LRRC37A2: variants seen among roughly 807,000 people sequenced by gnomAD.
LRRC37A2 encodes leucine-rich repeat-containing protein 37A2.
In LRRC37A2, 9 loss-of-function variants were observed where a neutral mutation model predicts 68.8. That is an observed-to-expected ratio of 0.13 (90% CI 0.08 to 0.23). LRRC37A2 has a LOEUF of 0.23. Among genes scored for constraint, LRRC37A2 ranks in the 10% least tolerant of loss-of-function variants. The probability of loss-of-function intolerance (pLI) is 1.00; values close to 1 mark genes in which losing one functional copy is unlikely to be tolerated. For synonymous variants in LRRC37A2, 63 were observed against 367.6 expected, an observed-to-expected ratio of 0.17 and a Z score of 9.48; for missense variants, 168 against 950.4, an observed-to-expected ratio of 0.18 and a Z score of 10.82.
chr17:46,863,378 C>G, the LRRC37A2 span, among the ~76,000 whole-genome samples: 1 of 152,236 alleles, frequency 6.6e-6, no homozygotes, highest in South Asian at 2.1e-4. Context: ...GAGCACGCAT[C>G]TGGACTGGGA....
At chr17:46,876,306 T>C in the LRRC37A2 span, 3 of 1,614,194 alleles carry the variant, frequency 1.9e-6, no homozygotes, top group Non-Finnish European at 2.5e-6. Context: ...TCCTGTGCCG[T>C]GCGCACCTGC....
chr17:46,822,267 A>G, the LRRC37A2 span, among the ~76,000 whole-genome samples: 5 of 152,200 alleles, frequency 3.3e-5, no homozygotes, highest in African/African-American at 1.2e-4. Flanking sequence ...GGAAGGCTGG[A>G]CAGCAGAGCC....
chr17:46,823,143 T>A, the LRRC37A2 span, among the ~76,000 whole-genome samples: 2 of 130,080 alleles, frequency 1.5e-5, no homozygotes, highest in South Asian at 2.2e-4. Context: ...TATATTATAT[T>A]ATATATATTT....
the LRRC37A2 span, among the ~76,000 whole-genome samples, chr17:46,845,639 C>T: frequency 1.7e-4 from 25 of 151,442 alleles, no homozygotes; most frequent in African/African-American, 5.6e-4. Context: ...TACAGGTGCC[C>T]GCCACCACAC....
the LRRC37A2 span, among the ~76,000 whole-genome samples, chr17:46,741,209 A>G: frequency 6.6e-6 from 1 of 152,212 alleles, no homozygotes; most frequent in African/African-American, 2.4e-5. Flanking sequence ...CATCTGCAAA[A>G]TGAGACAGAG....
chr17:46,775,548 G>A, the LRRC37A2 span, among the ~76,000 whole-genome samples: 1 of 152,000 alleles, frequency 6.6e-6, no homozygotes, highest in South Asian at 2.1e-4. Context: ...ACATCTGTGA[G>A]GCATTCCAGG....
the LRRC37A2 span, chr17:47,027,423 T>C: frequency 3.7e-6 from 2 of 539,696 alleles, no homozygotes; most frequent in Non-Finnish European, 6.8e-6. Flanking sequence ...TCTGGAAAGT[T>C]CAAATACAAG....
chr17:46,944,425 G>A, the LRRC37A2 span, among the ~76,000 whole-genome samples: 9 of 152,192 alleles, frequency 5.9e-5, 1 homozygote, highest in South Asian at 1.9e-3. Flanking sequence ...TTCTGGGGTG[G>A]ACATGAGGCC....
At chr17:46,803,681 C>G in the LRRC37A2 span, among the ~76,000 whole-genome samples, 4 of 152,240 alleles carry the variant, frequency 2.6e-5, no homozygotes, top group African/African-American at 7.2e-5. Flanking sequence ...CTGCCCATCC[C>G]TTCTGCATCC....
the LRRC37A2 span, chr17:46,935,952 A>G: frequency 8.0e-5 from 79 of 985,730 alleles, no homozygotes; most frequent in Non-Finnish European, 9.3e-5. Flanking sequence ...TGTGAGAAAC[A>G]GTCACTCGGA....
chr17:46,888,122 G>A, the LRRC37A2 span, among the ~76,000 whole-genome samples: 14 of 152,206 alleles, frequency 9.2e-5, no homozygotes, highest in African/African-American at 3.4e-4. Context: ...ACAAGCGGGA[G>A]TGTGCTTATG....
the LRRC37A2 span, among the ~76,000 whole-genome samples, chr17:46,914,494 C>G: frequency 6.6e-6 from 1 of 151,196 alleles, no homozygotes; most frequent in African/African-American, 2.4e-5. Context: ...ACTAAAAATA[C>G]AAAAAAATTA....
the LRRC37A2 span, among the ~76,000 whole-genome samples, chr17:46,823,253 T>A: frequency 6.9e-6 from 1 of 144,060 alleles, no homozygotes; most frequent in Non-Finnish European, 1.5e-5. Context: ...TCATTCTTGT[T>A]GCCCAGGCTG....
chr17:46,737,706 G>T, the LRRC37A2 span, among the ~76,000 whole-genome samples: 1 of 151,928 alleles, frequency 6.6e-6, no homozygotes, highest in Admixed American at 6.6e-5. Flanking sequence ...TATGTTACGT[G>T]GTTCCAGTGG....
chr17:46,875,267 G>A, the LRRC37A2 span: 1 of 1,614,218 alleles, frequency 6.2e-7, no homozygotes, highest in African/African-American at 1.3e-5. Flanking sequence ...ACAACCTCAA[G>A]TACAGCACCA....
At chr17:46,961,491 C>A in the LRRC37A2 span, among the ~76,000 whole-genome samples, 1 of 152,042 alleles carries the variant, frequency 6.6e-6, no homozygotes, top group African/African-American at 2.4e-5. Flanking sequence ...GCTATGATCA[C>A]GCCATTGCAC....
the LRRC37A2 span, among the ~76,000 whole-genome samples, chr17:46,922,217 G>A: frequency 2.4e-4 from 36 of 152,162 alleles, no homozygotes; most frequent in African/African-American, 8.4e-4. Flanking sequence ...AACATTCTCA[G>A]CAAACTATCG....
At chr17:46,861,163 C>T in the LRRC37A2 span, among the ~76,000 whole-genome samples, 8 of 152,248 alleles carry the variant, frequency 5.3e-5, no homozygotes, top group African/African-American at 1.9e-4. Flanking sequence ...CTCTGAGCCC[C>T]GACCCTGTGG....
chr17:46,940,536 A>T, the LRRC37A2 span: 1 of 1,614,156 alleles, frequency 6.2e-7, no homozygotes, highest in Non-Finnish European at 8.5e-7. Context: ...TGCGACGGCA[A>T]GGCTGTCCTG....
Sources: allele counts gnomAD v4.1 joint callset (sites outside exome capture counted in the v4.1 genomes callset), GRCh38; gene constraint gnomAD v4.1.1; transcripts MANE v1.5; gene names NCBI Gene and HGNC (gene_info 2026-07-23, HGNC 2026-07-21).